Variants in ABLIM3 observed in about 807,000 individuals in gnomAD.
The protein encoded by ABLIM3 is actin-binding LIM protein 3.
A neutral mutation model predicts 109.5 loss-of-function variants in ABLIM3; 61 were observed. That is an observed-to-expected ratio of 0.56 (90% CI 0.45 to 0.69). ABLIM3 has a LOEUF of 0.69. Ranked by LOEUF, ABLIM3 falls within the 30% of genes least tolerant of loss-of-function variation. The pLI, the probability that ABLIM3 is intolerant of heterozygous loss-of-function variation, is 0.00. For missense variants in ABLIM3, 796 were observed against 889.5 expected (o/e 0.89, Z 1.34); for synonymous variants, 300 against 324.8 (o/e 0.92, Z 0.82).
At chr5:149,207,863 A>C (rs940358939) in intron 6 of ABLIM3, among the ~76,000 whole-genome samples, 1 of 152,246 alleles carries the variant, frequency 6.6e-6, no homozygotes, top group South Asian at 2.1e-4. Context: ...CACACACTGC[A>C]GTATTAGACA....
At chr5:149,247,490 T>A in intron 17 of ABLIM3, 2 of 542,766 alleles carry the variant, frequency 3.7e-6, no homozygotes, top group South Asian at 3.7e-5. Flanking sequence ...GGTGGCTATC[T>A]GCCCATTGTT....
Position 149,247,891 on chromosome 5 carries a change from C to T in ABLIM3, c.1661C>T (p.Ala554Val), listed in dbSNP as rs1160242050. The T allele has an allele frequency of 6.2e-7, 1 of 1,614,098 alleles. No homozygotes were observed. The highest frequency in any genetic ancestry group is 1.3e-5 in the African/African-American group (1 of 74,944). ...PPRSSTSSRE[A>V]LHTAGYEMSL... ...CGGAGCTCCACCAGCAGCCGGGAAG[C>T]CCTGCACACAGCTGGCTATGAGATG... Residue 554 changes from alanine (A) to valine (V), a missense_variant, in exon 18 of 24, where the codon GCC becomes GTC. Transcript: ENST00000309868.
chr5:149,216,956 T>C lies in ABLIM3; in HGVS notation c.670-3T>C. 1 of 1,613,886 alleles carries C rather than the reference T, an allele frequency of 6.2e-7. No homozygotes were observed. Among genetic ancestry groups the C allele is most frequent in the Non-Finnish European group, 8.5e-7 (1 of 1,179,788 alleles). On this transcript the variant is annotated splice_region_variant and splice_polypyrimidine_tract_variant and intron_variant, in intron 7 of 23. Coordinates refer to ENST00000309868, the MANE Select transcript of ABLIM3 (RefSeq NM_014945.5). ...CTCCTGTTTCATCTTTTCATTTCCA[T>C]AGGCAGGAGGGAAGCACTACCACCC...
chr5:149,233,432 C>A, intron 10 of ABLIM3, 132 bp downstream of exon 10: 1 of 941,062 alleles, frequency 1.1e-6, no homozygotes, highest in Non-Finnish European at 1.7e-6. Flanking sequence ...ATGTGCTAGG[C>A]TCTGTACCAG....
chr5:149,237,408 A>G (rs1318890364), intron 10 of ABLIM3, 40 bp from the exon 11 acceptor site: 2 of 1,598,126 alleles, frequency 1.3e-6, no homozygotes, highest in Non-Finnish European at 8.5e-7. Flanking sequence ...TTTCCCTCTT[A>G]TCTTTCTATT....
intron 14 of ABLIM3, among the ~76,000 whole-genome samples, chr5:149,241,995 C>T (rs777471147): frequency 1.3e-5 from 2 of 152,202 alleles, no homozygotes; most frequent in African/African-American, 2.4e-5. Flanking sequence ...TCCCCACTCA[C>T]GTTCCCCTCA....
rs550066717 is a variant in ABLIM3, at chr5:149,199,074, G to A, written c.335+672G>A. ...CTCCAGGGATGGAGAGCTCATCCCT[G>A]CCTCCTGCTTTACCTTCCGCATCAC... is the stretch of plus-strand genomic sequence containing the variant. On this transcript the variant is annotated intron_variant, in intron 4 of 23. Coordinates refer to ENST00000309868, the MANE Select transcript of ABLIM3 (RefSeq NM_014945.5). The A allele has an allele frequency of 1.5e-4, 69 of 456,578 alleles. 1 individual carries two copies. Among genetic ancestry groups the A allele is most frequent in the South Asian group, 9.9e-4 (64 of 64,536 alleles). 28.3% of individuals were successfully genotyped at this position (456,578 alleles called of 1,614,324 possible).
At chr5:149,225,982 G>GTGTATATATATATA (rs1272837276) in intron 8 of ABLIM3, among the ~76,000 whole-genome samples, 1 of 45,518 alleles carries the variant, frequency 2.2e-5, no homozygotes, top group African/African-American at 8.5e-5. Context: ...GTGTGTGTGT[G>GTGTATATATATATA]TATATATATA....
In ABLIM3 at chr5:149,258,375, G is replaced by C; in HGVS notation, c.2023G>C (p.Glu675Gln). The C allele has an allele frequency of 8.7e-6, 14 of 1,613,996 alleles. No homozygotes were observed. The highest frequency in any genetic ancestry group is 1.2e-5 in the Non-Finnish European group (14 of 1,180,006). The change falls in exon 24 of 24, where the codon GAA becomes CAA. Residue 675 changes from glutamate (E) to glutamine (Q), a missense_variant. Physicochemically the swap from Glu to Gln is conservative, Grantham distance 29. Coordinates refer to ENST00000309868, the MANE Select transcript of ABLIM3 (RefSeq NM_014945.5). ...FDRLALWKRN[E>Q]LKKQARLF Reference sequence around the variant, plus strand: ...CCGGCTGGCCCTCTGGAAGAGGAATGAACTGAAGAAGCAAGCCCGGCTGTT... The same window carrying C: ...CCGGCTGGCCCTCTGGAAGAGGAATCAACTGAAGAAGCAAGCCCGGCTGTT...
intron 11 of ABLIM3, among the ~76,000 whole-genome samples, chr5:149,238,319 C>G (rs1290424752): frequency 1.3e-5 from 2 of 152,178 alleles, no homozygotes; most frequent in Non-Finnish European, 2.9e-5. Context: ...AGAAGCCTGT[C>G]CTGGTGGGCA....
intron 23 of ABLIM3, among the ~76,000 whole-genome samples, chr5:149,253,574 G>A (rs1391239244): frequency 6.6e-6 from 1 of 152,212 alleles, no homozygotes; most frequent in Non-Finnish European, 1.5e-5. Context: ...GACCACTAAG[G>A]CCTGAGGCAG....
intron 5 of ABLIM3, among the ~76,000 whole-genome samples, chr5:149,204,551 C>A (rs985559654): frequency 2.6e-5 from 4 of 152,348 alleles, no homozygotes; most frequent in Admixed American, 1.3e-4. Context: ...GGCTTCCCTA[C>A]AACAGGACTA....
At chr5:149,193,239 C>T (rs1757660817) in intron 3 of ABLIM3, among the ~76,000 whole-genome samples, 1 of 151,890 alleles carries the variant, frequency 6.6e-6, no homozygotes, top group Admixed American at 6.6e-5. Context: ...TTTAGAGATA[C>T]ATTCTGAAAT....
chr5:149,157,424 A>G (rs1383762476), intron 2 of ABLIM3, among the ~76,000 whole-genome samples: 1 of 151,748 alleles, frequency 6.6e-6, no homozygotes, highest in Non-Finnish European at 1.5e-5. Context: ...TCTGCTCAGC[A>G]TGTTTTATCC....
At chr5:149,226,032 GTTTC>G (rs1256101015) in intron 8 of ABLIM3, among the ~76,000 whole-genome samples, 2 of 113,292 alleles carry the variant, frequency 1.8e-5, no homozygotes, top group African/African-American at 6.7e-5. Flanking sequence ...ATATATCACA[GTTTC>G]TTTATCTACT....
rs777873354 is a variant in ABLIM3 at position 149,249,872 on chromosome 5, C to G, written c.1729+28C>G. Reference sequence around the variant, plus strand: ...AAGTTCTACCTGCCCTACCTTCAGCCCATCATGTCCCATGAGGGACAGAGC... The same window carrying G: ...AAGTTCTACCTGCCCTACCTTCAGCGCATCATGTCCCATGAGGGACAGAGC... On this transcript the variant is annotated intron_variant, in intron 19 of 23. Transcript: ENST00000309868. 16 of 1,613,632 alleles carry G rather than the reference C, an allele frequency of 9.9e-6. No homozygotes were observed. The East Asian group carries it at 2.0e-4, about 20-fold the overall frequency.
intron 2 of ABLIM3, among the ~76,000 whole-genome samples, chr5:149,163,684 C>T (rs1754582646): frequency 6.6e-6 from 1 of 152,144 alleles, no homozygotes; most frequent in Non-Finnish European, 1.5e-5. Flanking sequence ...TTAATTTTCT[C>T]TTTAAAAACC....
chr5:149,245,822 T>A (rs1753297884), intron 16 of ABLIM3, among the ~76,000 whole-genome samples: 1 of 152,112 alleles, frequency 6.6e-6, no homozygotes, highest in South Asian at 2.1e-4. Flanking sequence ...TCAATGTCTT[T>A]ACTAATTCAA....
intron 5 of ABLIM3, among the ~76,000 whole-genome samples, chr5:149,201,687 G>T (rs1758504593): frequency 2.6e-5 from 4 of 152,210 alleles, no homozygotes; most frequent in South Asian, 4.1e-4. Flanking sequence ...GTGACTGAGT[G>T]CATACAGTGT....
Sources: allele counts gnomAD v4.1 joint callset (sites outside exome capture counted in the v4.1 genomes callset), GRCh38; gene constraint gnomAD v4.1.1; transcripts MANE v1.5; gene names NCBI Gene and HGNC (gene_info 2026-07-23, HGNC 2026-07-21).